HIVEP3: variants seen among roughly 807,000 people sequenced by gnomAD.
HIVEP3 encodes the protein transcription factor HIVEP3.
HIVEP3 carries 49 observed loss-of-function variants against 152.8 expected under a neutral mutation model. That is an observed-to-expected ratio of 0.32 (90% confidence interval 0.26 to 0.41). The LOEUF (loss-of-function observed/expected upper bound fraction) is 0.41. HIVEP3 is among the 10% of genes least tolerant of loss of function. The pLI is 1.00. For synonymous variants in HIVEP3, 1,269 were observed against 1,289.0 expected, an observed-to-expected ratio of 0.98 and a Z score of 0.33; for missense variants, 2,790 against 3,103.3, an observed-to-expected ratio of 0.90 and a Z score of 2.40.
chr1:41,858,255 G>A (rs374275712), intron 1 of HIVEP3, among the ~76,000 whole-genome samples: 1 of 152,264 alleles, frequency 6.6e-6, no homozygotes, highest in Non-Finnish European at 1.5e-5. Context: ...CTGTTTCCTT[G>A]TCTGACTCTC....
rs367935226 is a variant in HIVEP3, at chr1:41,511,020, T to A, written c.6652A>T (p.Thr2218Ser). Residue 2218 changes from threonine to serine, a missense_variant, in exon 9 of 9, where the codon ACC (threonine) becomes TCC (serine). Thr to Ser is a moderately conservative substitution (Grantham distance 58). This residue lies in a region of HIVEP3 where 816 missense variants were observed against 806.5 expected (regional missense o/e 1.01). Coordinates refer to ENST00000372583, the MANE Select transcript of HIVEP3 (RefSeq NM_024503.5). The surrounding 1 kb of genome is among the most constrained non-coding windows in gnomAD (Gnocchi z 4.9). ...GAHPTLLPGP[T>S]AAWVSGFSGG... ...GAGAAGCCACTGACCCAGGCTGCGG[T>A]GGGCCCTGGCAGCAGGGTGGGGTGG... The A allele has an allele frequency of 6.2e-6, 10 of 1,613,288 alleles. No homozygotes were observed. In the East Asian group the frequency reaches 8.9e-5, roughly 14 times the overall value.
At chr1:41,853,896 G>A (rs1643676903) in intron 1 of HIVEP3, among the ~76,000 whole-genome samples, 1 of 152,170 alleles carries the variant, frequency 6.6e-6, no homozygotes, top group South Asian at 2.1e-4. Flanking sequence ...AGAGAAGCCT[G>A]TCTGTAAATG....
intron 1 of HIVEP3, among the ~76,000 whole-genome samples, chr1:41,844,422 GCA>G (rs2124373453): frequency 1.3e-5 from 2 of 152,296 alleles, no homozygotes; most frequent in East Asian, 3.9e-4. Context: ...ACGTTATCAT[GCA>G]CACAGAGTCC....
intron 5 of HIVEP3, among the ~76,000 whole-genome samples, chr1:41,528,626 CCT>C (rs1462164143): frequency 1.8e-5 from 2 of 111,318 alleles, no homozygotes; most frequent in East Asian, 5.9e-4. Flanking sequence ...CACACCCCAC[CCT>C]CACACTCACC....
chr1:42,024,531 G>A (rs1645571684), intron 1 of HIVEP3, among the ~76,000 whole-genome samples: 1 of 152,112 alleles, frequency 6.6e-6, no homozygotes, highest in African/African-American at 2.4e-5. Context: ...GTAATATAAG[G>A]ACCTTAGAAT....
intron 1 of HIVEP3, among the ~76,000 whole-genome samples, chr1:41,841,717 G>A (rs962914204): frequency 1.3e-5 from 2 of 152,188 alleles, no homozygotes; most frequent in Non-Finnish European, 2.9e-5. Flanking sequence ...CGTAAGTGAT[G>A]GCTCCAGAGG....
At chr1:41,901,519 T>C (rs1039253024) in intron 1 of HIVEP3, among the ~76,000 whole-genome samples, 4 of 151,960 alleles carry the variant, frequency 2.6e-5, no homozygotes, top group Non-Finnish European at 4.4e-5. Context: ...CAGAGAAGGC[T>C]ATGCAGGAGA....
At chr1:41,777,985 G>A (rs1029501956) in intron 1 of HIVEP3, among the ~76,000 whole-genome samples, 2 of 152,216 alleles carry the variant, frequency 1.3e-5, no homozygotes, top group African/African-American at 2.4e-5. Flanking sequence ...TTCAATCGGC[G>A]GGGGTTCTTG....
chr1:41,947,989 G>A (rs116767555), intron 1 of HIVEP3, among the ~76,000 whole-genome samples: 27 of 152,320 alleles, frequency 1.8e-4, no homozygotes, highest in Non-Finnish European at 3.2e-4. Flanking sequence ...CCGCGACTGC[G>A]CACTTGTGCA....
intron 1 of HIVEP3, among the ~76,000 whole-genome samples, chr1:41,913,451 C>T (rs1185058656): frequency 6.6e-6 from 1 of 152,154 alleles, no homozygotes; most frequent in Admixed American, 6.5e-5. Flanking sequence ...GGCTGGAGTA[C>T]AGTGATGTGA....
At chr1:41,853,860 G>A (rs1643675713) in intron 1 of HIVEP3, among the ~76,000 whole-genome samples, 1 of 152,170 alleles carries the variant, frequency 6.6e-6, no homozygotes, top group South Asian at 2.1e-4. Context: ...ACCTTCAGCA[G>A]CGGCTCTAGG....
rs554180010 is a variant in HIVEP3 at position 41,891,602 on chromosome 1, A to G, written c.-801+26811T>C. ...TGTCCCCAGCACAGCACCTAGCTAG[A>G]TCTCAGCAAATGATTTGAATGTGTG... On this transcript the variant is annotated intron_variant, in intron 1 of 8. Transcript: ENST00000372583. Among the ~76,000 whole-genome samples, 27 of 152,252 alleles carry G rather than the reference A, an allele frequency of 1.8e-4. No individual in the cohort carries two copies. In the East Asian group the frequency reaches 5.2e-3, roughly 29 times the overall value.
intron 1 of HIVEP3, among the ~76,000 whole-genome samples, chr1:41,956,532 G>A (rs1282737576): frequency 6.6e-6 from 1 of 152,216 alleles, no homozygotes; most frequent in Non-Finnish European, 1.5e-5. Context: ...TAATGGAGCA[G>A]CAGTACAACT....
At chr1:41,919,861 A>C (rs971045285), upstream of HIVEP3, among the ~76,000 whole-genome samples, 3 of 152,280 alleles carry the variant, frequency 2.0e-5, no homozygotes, top group Non-Finnish European at 4.4e-5. Flanking sequence ...AAGAAGGCAA[A>C]TGTCTTTGAC....
At chr1:41,616,107 C>T (rs1451495225) in intron 3 of HIVEP3, among the ~76,000 whole-genome samples, 1 of 152,070 alleles carries the variant, frequency 6.6e-6, no homozygotes, top group African/African-American at 2.4e-5. Context: ...CTCCCAAAGC[C>T]TGTGACATGT....
intron 1 of HIVEP3, among the ~76,000 whole-genome samples, chr1:41,849,285 C>T (rs953097054): frequency 2.6e-5 from 4 of 152,174 alleles, no homozygotes; most frequent in East Asian, 1.9e-4. Context: ...CTGATCTTCA[C>T]GACAGATGCA....
At chr1:41,693,438 G>A (rs1480517963) in intron 2 of HIVEP3, among the ~76,000 whole-genome samples, 1 of 152,130 alleles carries the variant, frequency 6.6e-6, no homozygotes, top group African/African-American at 2.4e-5. Flanking sequence ...CACATGCTTT[G>A]TATCCTCTGT....
chr1:41,949,760 C>T (rs1645095608), intron 1 of HIVEP3, among the ~76,000 whole-genome samples: 1 of 152,192 alleles, frequency 6.6e-6, no homozygotes, highest in Admixed American at 6.5e-5. Context: ...AGCTGTGAAG[C>T]TACAAATCAT....
At chr1:42,019,758 T>C (rs1645543533) in intron 1 of HIVEP3, among the ~76,000 whole-genome samples, 1 of 151,986 alleles carries the variant, frequency 6.6e-6, no homozygotes, top group Non-Finnish European at 1.5e-5. Context: ...ATGGCTAGGA[T>C]CTCTAATGCA....
Sources: gnomAD v4.1 joint callset for allele counts (sites outside exome capture counted in the v4.1 genomes callset) on GRCh38, gnomAD v4.1.1 for gene constraint, gnomAD v4.1.1 regional missense constraint, Gnocchi (gnomAD v3.1) non-coding constraint, MANE v1.5 for transcripts, NCBI Gene and HGNC (gene_info 2026-07-23, HGNC 2026-07-21) for gene names.